The following MAP7D2 variants were observed in gnomAD, a reference collection of about 807,000 sequenced individuals.
The protein encoded by MAP7D2 is MAP7 domain-containing protein 2.
Under a neutral mutation model 63.5 loss-of-function variants are expected in MAP7D2, and 33 were observed. The ratio of observed to expected loss-of-function variants is 0.52; its 90% CI spans 0.39 to 0.70. The LOEUF (loss-of-function observed/expected upper bound fraction) is 0.70. MAP7D2 is among the 30% of genes least tolerant of loss of function. The pLI, the probability that MAP7D2 is intolerant of heterozygous loss-of-function variation, is 0.00. For synonymous variants in MAP7D2, 224 were observed against 223.7 expected (o/e 1.00, Z -0.01); for missense variants, 626 against 604.0 (o/e 1.04, Z -0.38).
chrX:20,047,832 A>G (rs2064839951), intron 6 of MAP7D2, among the ~76,000 whole-genome samples: 1 of 101,608 alleles, frequency 9.8e-6, no homozygotes, highest in African/African-American at 3.9e-5. Context: ...CAAAATAAAT[A>G]AATAAATAAA....
At chrX:20,053,150 T>C (rs780124596) in intron 4 of MAP7D2, among the ~76,000 whole-genome samples, 162 bp from the exon 5 acceptor site, 2 of 112,495 alleles carry the variant, frequency 1.8e-5, no homozygotes, top group Admixed American at 9.4e-5. Flanking sequence ...TATCCTACTC[T>C]AGAAATGACC....
At chrX:20,042,384 C>T (rs1206881647) in intron 8 of MAP7D2, 118 bp downstream of exon 8, 5 of 815,106 alleles carry the variant, frequency 6.1e-6, no homozygotes, top group African/African-American at 4.1e-5. Flanking sequence ...CTCCCACTTA[C>T]CACTTCTGGC....
At chrX:20,099,311 A>G (rs1214954171) in intron 1 of MAP7D2, among the ~76,000 whole-genome samples, 1 of 109,092 alleles carries the variant, frequency 9.2e-6, no homozygotes, top group Non-Finnish European at 1.9e-5. Flanking sequence ...TGCTGCTAAC[A>G]CCTCGGCAGC....
chrX:20,109,879 T>C lies in MAP7D2; in HGVS notation c.130+6871A>G, dbSNP rs182282323. Among the ~76,000 whole-genome samples the C allele has an allele frequency of 9.0e-3, 983 of 109,321 alleles. 7 individuals carry two copies. Among genetic ancestry groups the C allele is most frequent in the Non-Finnish European group, 0.014 (742 of 52,506 alleles). The allele number at this position is 109,321 out of a possible 115,157, so 94.9% of individuals were successfully genotyped here. On this transcript the variant is annotated intron_variant, in intron 1 of 16. Coordinates refer to ENST00000379643, the MANE Select transcript of MAP7D2 (RefSeq NM_001168465.2). Reference sequence around the variant, plus strand: ...GGTGAAACCCCGACTCTACTAAAAATACAAAAATTAGCCGGTTGTGGTGGC... The same window carrying C: ...GGTGAAACCCCGACTCTACTAAAAACACAAAAATTAGCCGGTTGTGGTGGC...
At chrX:20,051,729 C>T (rs1227753027) in intron 5 of MAP7D2, among the ~76,000 whole-genome samples, 1 of 111,868 alleles carries the variant, frequency 8.9e-6, no homozygotes, top group African/African-American at 3.3e-5. Flanking sequence ...TCTTTTCATA[C>T]TTTTTACATG....
intron 3 of MAP7D2, among the ~76,000 whole-genome samples, chrX:20,060,458 GAAAGAAAGA>G (rs2065190370): frequency 9.3e-6 from 1 of 107,754 alleles, no homozygotes; most frequent in African/African-American, 3.4e-5. Context: ...AAGAAAGAAA[GAAAGAAAGA>G]AAGAAAGAAA....
Position 20,007,192 on chromosome X carries a change from T to C in MAP7D2, c.*1233A>G, listed in dbSNP as rs1003849748. ...TAATACATTCTTAAATGTAGCTGGC[T>C]GTAAAAGCACATGAACAAGATTACT... On this transcript the variant is annotated 3_prime_UTR_variant, in exon 17 of 17. Coordinates refer to ENST00000379643, the MANE Select transcript of MAP7D2 (RefSeq NM_001168465.2). 8.9e-6 allele frequency: 1 copy of C among 112,412 alleles called. No individual in the cohort carries two copies. Among genetic ancestry groups the C allele is most frequent in the African/African-American group, 3.2e-5 (1 of 30,901 alleles). The allele number at this position is 112,412 out of a possible 1,213,427, so 9.3% of individuals were successfully genotyped here. A position where few individuals can be genotyped will look rare whatever the true frequency, so the allele number is the denominator to read the frequency against.
intron 5 of MAP7D2, 101 bp from the exon 6 acceptor site, chrX:20,051,047 G>A (rs977549912): frequency 1.3e-5 from 9 of 678,976 alleles, no homozygotes; most frequent in Non-Finnish European, 1.8e-5. Flanking sequence ...TAACTTTTGG[G>A]TGGCAGAACA....
At chrX:20,034,457 C>A (rs188126423) in intron 8 of MAP7D2, among the ~76,000 whole-genome samples, 1 of 110,349 alleles carries the variant, frequency 9.1e-6, no homozygotes, top group Non-Finnish European at 1.9e-5. Flanking sequence ...GCATCCCATA[C>A]CACTGCTATG....
intron 1 of MAP7D2, among the ~76,000 whole-genome samples, chrX:20,068,721 T>C (rs186622171): frequency 1.8e-5 from 2 of 111,881 alleles, no homozygotes; most frequent in East Asian, 5.6e-4. Flanking sequence ...AAAGACACAG[T>C]GTATCCAAGA....
chrX:20,023,339 G>GC (rs1452864723), intron 10 of MAP7D2, among the ~76,000 whole-genome samples: 1 of 112,604 alleles, frequency 8.9e-6, no homozygotes, highest in Non-Finnish European at 1.9e-5. Flanking sequence ...CGGGAGCAGT[G>GC]CTGTTCGGGA....
At position 20,035,928 on chromosome X, in the gene MAP7D2, G is replaced by A. The variant is rs201354817; in HGVS notation, c.1007+6574C>T. Among the ~76,000 whole-genome samples, 249 of 7,157 alleles carry A rather than the reference G, an allele frequency of 0.035. 4 individuals carry two copies. The East Asian group carries it at 0.47, about 14-fold the overall frequency. 6.2% of individuals were successfully genotyped at this position (7,157 alleles called of 115,157 possible). A position where few individuals can be genotyped will look rare whatever the true frequency, so the allele number is the denominator to read the frequency against. On this transcript the variant is annotated intron_variant, in intron 8 of 16. Coordinates refer to ENST00000379643, the MANE Select transcript of MAP7D2 (RefSeq NM_001168465.2). ...ACTCCGTCTCAAAAAAAATATATAT[G>A]TGTGTGTGTGTGTGTGTGTGTGTGT...
intron 8 of MAP7D2, among the ~76,000 whole-genome samples, chrX:20,034,262 A>G (rs1041654305): frequency 5.8e-5 from 6 of 104,306 alleles, no homozygotes; most frequent in African/African-American, 1.4e-4. Context: ...ACAGAATGAT[A>G]TAACTGGCCA....
chrX:20,022,791 C>T (rs950376423), intron 10 of MAP7D2, among the ~76,000 whole-genome samples: 1 of 112,125 alleles, frequency 8.9e-6, no homozygotes, highest in Non-Finnish European at 1.9e-5. Flanking sequence ...CACACTCAAA[C>T]GAAAACTTAT....
At chrX:20,070,600 C>A in intron 1 of MAP7D2, among the ~76,000 whole-genome samples, 1 of 111,378 alleles carries the variant, frequency 9.0e-6, no homozygotes, top group Middle Eastern at 4.6e-3. Flanking sequence ...AGAGCCACCC[C>A]TTCCCCACTG....
chrX:20,087,191 AAC>A (rs776950210), intron 1 of MAP7D2, among the ~76,000 whole-genome samples: 1 of 112,354 alleles, frequency 8.9e-6, no homozygotes, highest in African/African-American at 3.2e-5. Context: ...AGAAACCTGT[AAC>A]ACATATGCTA....
intron 8 of MAP7D2, among the ~76,000 whole-genome samples, chrX:20,032,449 A>T (rs749714929): frequency 2.7e-5 from 3 of 111,089 alleles, no homozygotes; most frequent in South Asian, 4.0e-4. Context: ...GATCCATTAA[A>T]TGTCCTCAGC....
chrX:20,020,078 G>A (rs1325297805), intron 10 of MAP7D2, among the ~76,000 whole-genome samples: 1 of 111,925 alleles, frequency 8.9e-6, no homozygotes, highest in Non-Finnish European at 1.9e-5. Context: ...ATCACCAACT[G>A]CTATACAGAG....
chrX:20,025,090 C>G lies in MAP7D2; in HGVS notation c.1280-7G>C. 8.4e-7 allele frequency: 1 copy of G among 1,197,329 alleles called. No individual in the cohort carries two copies. Among genetic ancestry groups the G allele is most frequent in the Non-Finnish European group, 1.1e-6 (1 of 890,622 alleles). ...GCTGTGGGCTTCCCCAAGGCTGCAC[C>G]AGAGGAGAGGCATCAAGAGGAAAAG... On this transcript the variant is annotated splice_polypyrimidine_tract_variant and splice_region_variant and intron_variant, in intron 9 of 16. Transcript: ENST00000379643.
Sources: allele counts gnomAD v4.1 joint callset (sites outside exome capture counted in the v4.1 genomes callset), GRCh38; gene constraint gnomAD v4.1.1; transcripts MANE v1.5; gene names NCBI Gene and HGNC (gene_info 2026-07-23, HGNC 2026-07-21).